PRKG1: variants seen among roughly 807,000 people sequenced by gnomAD.
The protein encoded by PRKG1 is cGMP-dependent protein kinase 1.
Under a neutral mutation model 88.1 loss-of-function variants are expected in PRKG1, and 35 were observed. That is an observed-to-expected ratio of 0.40 (90% CI 0.30 to 0.53). PRKG1 has a LOEUF of 0.53. Among genes scored for constraint, PRKG1 ranks in the 20% least tolerant of loss-of-function variants. The pLI, the probability that PRKG1 is intolerant of heterozygous loss-of-function variation, is 0.59. For synonymous variants in PRKG1, 303 were observed against 292.5 expected, an observed-to-expected ratio of 1.04 and a Z score of -0.37; for missense variants, 540 against 839.8, an observed-to-expected ratio of 0.64 and a Z score of 4.41.
Position 51,324,222 on chromosome 10 carries a change from C to T in PRKG1, c.479-143501C>T, listed in dbSNP as rs116006233. 4.6e-3 allele frequency among the ~76,000 whole-genome samples: 700 copies of T among 152,094 alleles called. 7 individuals carry two copies. Among genetic ancestry groups the T allele is most frequent in the African/African-American group, 0.016 (658 of 41,488 alleles). On this transcript the variant is annotated intron_variant, in intron 2 of 17. Coordinates refer to ENST00000373980, the MANE Select transcript of PRKG1 (RefSeq NM_006258.4). ...TAGCTTCTCTCTCTTTATTTTTGTA[C>T]CCATTAACCAACTGTTCTTCATTCC...
chr10:51,957,892 A>G (rs891526105), intron 5 of PRKG1, among the ~76,000 whole-genome samples: 2 of 152,202 alleles, frequency 1.3e-5, no homozygotes, highest in Non-Finnish European at 2.9e-5. Context: ...AGTCCGAAAC[A>G]AAGGCTTATT....
intron 2 of PRKG1, among the ~76,000 whole-genome samples, chr10:51,428,641 T>C (rs553927075): frequency 4.6e-5 from 7 of 152,190 alleles, no homozygotes; most frequent in Non-Finnish European, 1.0e-4. Context: ...TGGGGCTTCT[T>C]TTATTATTTC....
rs1341296408 is a variant in PRKG1 at position 52,087,189 on chromosome 10, T to G, written c.935+24558T>G. On this transcript the variant is annotated intron_variant, in intron 7 of 17. Transcript: ENST00000373980. ...ATGAGGGGATTTGTTCCGTAAAGCC[T>G]TGCAAATAGGGTATCTTGTAAACTT... 5.3e-5 allele frequency among the ~76,000 whole-genome samples: 8 copies of G among 152,194 alleles called. No homozygotes were observed. In the East Asian group the frequency reaches 1.5e-3, roughly 29 times the overall value.
At position 51,346,760 on chromosome 10, in the gene PRKG1, T is replaced by C. The variant is rs1842122262; in HGVS notation, c.479-120963T>C. On this transcript the variant is annotated intron_variant, in intron 2 of 17. Coordinates refer to ENST00000373980, the MANE Select transcript of PRKG1 (RefSeq NM_006258.4). ...TCTGCAAAGCATATTTGATGTTAGA[T>C]AATACTTTCCAATTATAATGACATG... Among the ~76,000 whole-genome samples, 2 of 152,358 alleles carry C rather than the reference T, an allele frequency of 1.3e-5. 1 individual carries two copies. Among genetic ancestry groups the C allele is most frequent in the Admixed American group, 1.3e-4 (2 of 15,306 alleles).
At chr10:51,970,047 CACA>C (rs1564733463) in intron 5 of PRKG1, among the ~76,000 whole-genome samples, 1,544 of 92,540 alleles carry the variant, frequency 0.017, 28 homozygotes, top group African/African-American at 0.055. Context: ...CACACACACA[CACA>C]CCCATATTTA....
At chr10:51,659,496 AT>A (rs1449110582) in intron 3 of PRKG1, among the ~76,000 whole-genome samples, 1 of 152,128 alleles carries the variant, frequency 6.6e-6, no homozygotes, top group Non-Finnish European at 1.5e-5. Context: ...TTCAGGCAAA[AT>A]CAAGGGTTAT....
chr10:52,185,896 AG>A (rs112046628), intron 9 of PRKG1, among the ~76,000 whole-genome samples: 2 of 152,184 alleles, frequency 1.3e-5, no homozygotes, highest in African/African-American at 4.8e-5. Context: ...CAGTGTCCCA[AG>A]GCTGCACAGG....
chr10:51,427,926 AT>A (rs1838638713), intron 2 of PRKG1, among the ~76,000 whole-genome samples: 1 of 152,192 alleles, frequency 6.6e-6, no homozygotes, highest in Non-Finnish European at 1.5e-5. Context: ...AATAGTAAAG[AT>A]GCCATGAGTC....
chr10:51,119,341 A>G (rs545088659), intron 1 of PRKG1, among the ~76,000 whole-genome samples: 3 of 152,204 alleles, frequency 2.0e-5, no homozygotes, highest in Admixed American at 2.0e-4. Flanking sequence ...GAAAATATTA[A>G]CACATTTTTA....
chr10:51,364,136 G>A (rs1293596597), intron 2 of PRKG1, among the ~76,000 whole-genome samples: 1 of 151,912 alleles, frequency 6.6e-6, no homozygotes, highest in East Asian at 1.9e-4. Flanking sequence ...TGGCTAAGGG[G>A]AAAATATCAT....
intron 5 of PRKG1, among the ~76,000 whole-genome samples, chr10:51,946,288 C>T (rs924490633): frequency 2.6e-5 from 4 of 152,166 alleles, no homozygotes; most frequent in South Asian, 2.1e-4. Context: ...CCATAGTTCT[C>T]GAGCCTTGGC....
At chr10:51,098,526 T>A (rs1844599848) in intron 1 of PRKG1, among the ~76,000 whole-genome samples, 1 of 152,262 alleles carries the variant, frequency 6.6e-6, no homozygotes, top group Middle Eastern at 3.4e-3. Flanking sequence ...TCACTGAATA[T>A]GGCGGAAGGA....
intron 2 of PRKG1, among the ~76,000 whole-genome samples, chr10:51,395,816 C>G (rs904913463): frequency 2.0e-5 from 3 of 152,076 alleles, no homozygotes; most frequent in Non-Finnish European, 1.5e-5. Context: ...GACTGATTGA[C>G]AATATCGTGG....
chr10:52,178,535 C>G (rs1028821461), intron 9 of PRKG1, among the ~76,000 whole-genome samples: 12 of 151,822 alleles, frequency 7.9e-5, no homozygotes, highest in African/African-American at 2.2e-4. Context: ...TACTTTAAAT[C>G]TAATGTTTCT....
intron 2 of PRKG1, among the ~76,000 whole-genome samples, chr10:51,248,685 C>A (rs1325312475): frequency 6.6e-6 from 1 of 151,630 alleles, no homozygotes; most frequent in Non-Finnish European, 1.5e-5. Flanking sequence ...GAAGTGCTAA[C>A]TGAAATAGTG....
At chr10:52,274,195 T>C (rs916696364) in intron 12 of PRKG1, among the ~76,000 whole-genome samples, 3 of 152,182 alleles carry the variant, frequency 2.0e-5, no homozygotes, top group Admixed American at 6.6e-5. Flanking sequence ...TCTTTAGTGG[T>C]GATTTGTGAG....
chr10:51,562,849 G>T (rs988964023), intron 3 of PRKG1, among the ~76,000 whole-genome samples: 1 of 152,112 alleles, frequency 6.6e-6, no homozygotes, highest in African/African-American at 2.4e-5. Context: ...GCTAACTGCA[G>T]CATTGAACTA....
chr10:51,627,944 T>TCC (rs1181354283), intron 3 of PRKG1, among the ~76,000 whole-genome samples: 6,706 of 40,616 alleles, frequency 0.17, 611 homozygotes, highest in Middle Eastern at 0.2. Flanking sequence ...CTTCCTTCCT[T>TCC]TCTTTCTTTC....
At chr10:51,622,569 AT>A (rs1839235897) in intron 3 of PRKG1, among the ~76,000 whole-genome samples, 1 of 152,216 alleles carries the variant, frequency 6.6e-6, no homozygotes, top group Non-Finnish European at 1.5e-5. Flanking sequence ...ACGGTCATTA[AT>A]TGAAAACGGT....
Sources: gnomAD v4.1 joint callset for allele counts (sites outside exome capture counted in the v4.1 genomes callset) on GRCh38, gnomAD v4.1.1 for gene constraint, MANE v1.5 for transcripts, NCBI Gene and HGNC (gene_info 2026-07-23, HGNC 2026-07-21) for gene names.